LUC7L2: variants seen among roughly 807,000 people sequenced by gnomAD.
LUC7L2 encodes putative RNA-binding protein Luc7-like 2.
In LUC7L2, 25 loss-of-function variants were observed where a neutral mutation model predicts 52.8. That is an observed-to-expected ratio of 0.47 (90% CI 0.34 to 0.66). The LOEUF (loss-of-function observed/expected upper bound fraction) is 0.66, where lower values mean the gene tolerates loss of function less well. LUC7L2 is among the 30% of genes least tolerant of loss of function. The pLI is 0.01. For synonymous variants in LUC7L2, 144 were observed against 160.9 expected (o/e 0.89, Z 0.80); for missense variants, 328 against 497.8 (o/e 0.66, Z 3.25).
chr7:139,392,802 A>G (rs1794499911), intron 2 of LUC7L2, among the ~76,000 whole-genome samples: 1 of 151,938 alleles, frequency 6.6e-6, no homozygotes, highest in Non-Finnish European at 1.5e-5. Context: ...ACAGGCATGC[A>G]CCACCACGCC....
chr7:139,380,056 G>A (rs1800918862), intron 2 of LUC7L2, among the ~76,000 whole-genome samples: 3 of 151,610 alleles, frequency 2.0e-5, no homozygotes, highest in Admixed American at 2.0e-4. Context: ...GCCCGCACCT[G>A]TAATCCCAGC....
At chr7:139,341,200 A>G in intron 1 of LUC7L2, 1 of 1,073,204 alleles carries the variant, frequency 9.3e-7, no homozygotes, top group East Asian at 2.8e-5. Context: ...TGATTTTGTT[A>G]CGGCGCCCCT....
In LUC7L2 at chr7:139,402,256, T is replaced by C. The variant is rs1298013613; in HGVS notation, c.366+9T>C. The C allele has an allele frequency of 6.3e-7, 1 of 1,583,060 alleles. No homozygotes were observed. The highest frequency in any genetic ancestry group is 1.4e-5 in the African/African-American group (1 of 72,856). On this transcript the variant is annotated intron_variant, in intron 4 of 9. Transcript: ENST00000354926. Reference sequence around the variant, plus strand: ...CTGAAGTAGCAGCAAAGGTAAGAATTTTAATCATTTCATTAGTACAAAGTA... The same window carrying C: ...CTGAAGTAGCAGCAAAGGTAAGAATCTTAATCATTTCATTAGTACAAAGTA...
At chr7:139,379,370 C>CTT (rs34846398) in intron 2 of LUC7L2, among the ~76,000 whole-genome samples, 52,636 of 144,354 alleles carry the variant, frequency 0.36, 13,186 homozygotes, top group African/African-American at 0.72. Flanking sequence ...CATTTCCTGC[C>CTT]TTTTTTTTTT....
chr7:139,359,001 A>C (rs1318058351), upstream of LUC7L2: 1 of 152,266 alleles, frequency 6.6e-6, no homozygotes, highest in Admixed American at 6.5e-5. Context: ...ATTTTACTAA[A>C]ACAGTTTTTA....
At position 139,422,545 on chromosome 7, in the gene LUC7L2, A is replaced by T; in HGVS notation, c.*205A>T. 9.2e-7 allele frequency: 1 copy of T among 1,088,532 alleles called. No homozygotes were observed. The highest frequency in any genetic ancestry group is 1.2e-6 in the Non-Finnish European group (1 of 840,012). The allele number at this position is 1,088,532 out of a possible 1,614,324, so 67.4% of individuals were successfully genotyped here. ...ATCCATAGTTTCTGGTGAACCTGTA[A>T]TACAGTTCTGAAAGTACAGTTTTAT... On this transcript the variant is annotated 3_prime_UTR_variant, in exon 10 of 10. Transcript: ENST00000354926.
At chr7:139,406,438 T>C (rs1352267185) in intron 5 of LUC7L2, among the ~76,000 whole-genome samples, 3 of 151,050 alleles carry the variant, frequency 2.0e-5, no homozygotes, top group African/African-American at 7.3e-5. Context: ...CTGAAACCTC[T>C]GCTTCCTGGG....
At chr7:139,400,022 A>G (rs1419613399) in intron 3 of LUC7L2, among the ~76,000 whole-genome samples, 3 of 152,222 alleles carry the variant, frequency 2.0e-5, no homozygotes, top group Non-Finnish European at 4.4e-5. Flanking sequence ...ATAAACCAAC[A>G]AACAGGTCCT....
intron 1 of LUC7L2, among the ~76,000 whole-genome samples, chr7:139,369,996 A>G (rs1285102436): frequency 6.6e-6 from 1 of 152,184 alleles, no homozygotes; most frequent in Admixed American, 6.5e-5. Flanking sequence ...GACTGTCATA[A>G]TTGTTTTTTC....
intron 2 of LUC7L2, among the ~76,000 whole-genome samples, chr7:139,383,657 C>G (rs188959720): frequency 4.6e-5 from 7 of 151,682 alleles, no homozygotes; most frequent in African/African-American, 1.7e-4. Flanking sequence ...CTCAGGTGAT[C>G]CGCCCACCTC....
intron 1 of LUC7L2, among the ~76,000 whole-genome samples, chr7:139,343,926 C>CAA (rs1163028006): frequency 3.1e-4 from 32 of 104,806 alleles, no homozygotes; most frequent in East Asian, 2.2e-3. Context: ...ACCCTGTCCC[C>CAA]AAAAAAAAAA....
At chr7:139,392,142 A>G (rs1343913123) in intron 2 of LUC7L2, among the ~76,000 whole-genome samples, 1 of 152,162 alleles carries the variant, frequency 6.6e-6, no homozygotes, top group African/African-American at 2.4e-5. Context: ...AGGCTCTTAA[A>G]ATGTTTCTTC....
chr7:139,403,588 G>T (rs2131286458), intron 4 of LUC7L2, among the ~76,000 whole-genome samples: 1 of 152,276 alleles, frequency 6.6e-6, no homozygotes, highest in South Asian at 2.1e-4. Context: ...GTATCTCATG[G>T]TTGGAAGAGA....
At chr7:139,395,766 C>G (rs6467849) in intron 2 of LUC7L2, among the ~76,000 whole-genome samples, 58,342 of 152,048 alleles carry the variant, frequency 0.38, 15,615 homozygotes, top group African/African-American at 0.76. Flanking sequence ...TCTGTCTCCT[C>G]AGGAGCTGGG....
chr7:139,361,865 A>G (rs1799901530), intron 1 of LUC7L2, among the ~76,000 whole-genome samples: 2 of 152,204 alleles, frequency 1.3e-5, no homozygotes, highest in South Asian at 2.1e-4. Flanking sequence ...CGTGCTTTAC[A>G]TGATCCTTTT....
At chr7:139,385,029 A>T (rs1252082251) in intron 2 of LUC7L2, among the ~76,000 whole-genome samples, 1 of 152,214 alleles carries the variant, frequency 6.6e-6, no homozygotes. Flanking sequence ...CCCATAAACC[A>T]TGTATAGTAA....
At chr7:139,356,729 G>A (rs917921386), upstream of LUC7L2, among the ~76,000 whole-genome samples, 4 of 152,006 alleles carry the variant, frequency 2.6e-5, no homozygotes, top group African/African-American at 7.3e-5. Flanking sequence ...ACAACAATAT[G>A]TAAATGAACG....
In LUC7L2 at chr7:139,345,367, A is replaced by G. The variant is rs1563248406; in HGVS notation, c.-26+4850A>G. On this transcript the variant is annotated intron_variant, in intron 1 of 10. Transcript: ENST00000541170. ...GCCTCTATAGATGTATTAAGTATAC[A>G]TGTATATACATACATGTCTGTATTT... is the stretch of plus-strand genomic sequence containing the variant. 6.0e-6 allele frequency: 8 copies of G among 1,340,214 alleles called. No individual in the cohort carries two copies. In the South Asian group the frequency reaches 8.9e-5, roughly 15 times the overall value. The allele number at this position is 1,340,214 out of a possible 1,614,324, so 83.0% of individuals were successfully genotyped here.
intron 7 of LUC7L2, among the ~76,000 whole-genome samples, chr7:139,410,030 AC>A (rs1446219205): frequency 6.6e-6 from 1 of 152,014 alleles, no homozygotes. Flanking sequence ...ACACGGTGAA[AC>A]CCCGACTCTA....
Sources: allele counts gnomAD v4.1 joint callset (sites outside exome capture counted in the v4.1 genomes callset), GRCh38; gene constraint gnomAD v4.1.1; transcripts MANE v1.5; gene names NCBI Gene and HGNC (gene_info 2026-07-23, HGNC 2026-07-21).